CCDC187: variants seen among roughly 807,000 people sequenced by gnomAD.
CCDC187 encodes coiled-coil domain-containing protein 187.
Under a neutral mutation model 38.0 loss-of-function variants are expected in CCDC187, and 32 were observed. The ratio of observed to expected loss-of-function variants is 0.84; its 90% CI spans 0.64 to 1.13. The LOEUF (loss-of-function observed/expected upper bound fraction) is 1.13. Among genes scored for constraint, CCDC187 ranks in the 50% most tolerant of loss-of-function variants. The pLI, the probability that CCDC187 is intolerant of heterozygous loss-of-function variation, is 0.00. For synonymous variants in CCDC187, 333 were observed against 347.9 expected (o/e 0.96, Z 0.48); for missense variants, 707 against 786.8 (o/e 0.90, Z 1.21).
At chr9:136,277,434 A>G (rs1285918155) in intron 10 of CCDC187, among the ~76,000 whole-genome samples, 1 of 69,364 alleles carries the variant, frequency 1.4e-5, no homozygotes, top group Non-Finnish European at 2.9e-5. Context: ...TGAGGGGGTG[A>G]GTGGGTGCAG....
chr9:136,302,781 C>G, intron 2 of CCDC187, 31 bp downstream of exon 2: 1 of 399,224 alleles, frequency 2.5e-6, no homozygotes, highest in Non-Finnish European at 4.4e-6. Flanking sequence ...TCGCAGCCCT[C>G]CTGCCCCTCT....
At chr9:136,306,518 G>A (rs939735875), upstream of CCDC187, among the ~76,000 whole-genome samples, 42 of 152,226 alleles carry the variant, frequency 2.8e-4, no homozygotes, top group Middle Eastern at 3.4e-3. Flanking sequence ...TGCACCACGC[G>A]CCGTGGCAAA....
In CCDC187 at chr9:136,258,118, C is replaced by T. The variant is rs1830636411; in HGVS notation, c.4366+814G>A. On this transcript the variant is annotated intron_variant, in intron 22 of 25. Coordinates refer to ENST00000638797, the MANE Select transcript of CCDC187 (RefSeq NM_001378188.1). This position sits in a 1 kb window ranked among gnomAD's most constrained non-coding sequence, Gnocchi z 4.3. Reference sequence around the variant, plus strand: ...GCCGCAGAAGCCTGAACAGCGCAGGCCCGGAGGTGACGCGGGACACAGAGG... The same window carrying T: ...GCCGCAGAAGCCTGAACAGCGCAGGTCCGGAGGTGACGCGGGACACAGAGG... Among the ~76,000 whole-genome samples the T allele has an allele frequency of 6.6e-6, 1 of 152,176 alleles. No homozygotes were observed. Among genetic ancestry groups the T allele is most frequent in the South Asian group, 2.1e-4 (1 of 4,832 alleles).
chr9:136,263,445 A>G (rs997992114), intron 18 of CCDC187, among the ~76,000 whole-genome samples, 177 bp downstream of exon 18: 7 of 152,152 alleles, frequency 4.6e-5, no homozygotes, highest in Non-Finnish European at 7.4e-5. Flanking sequence ...TGTGTTAGCC[A>G]GGATGGTCTC....
chr9:136,302,522 C>T (rs1191980048), intron 2 of CCDC187, among the ~76,000 whole-genome samples: 1 of 152,252 alleles, frequency 6.6e-6, no homozygotes, highest in Non-Finnish European at 1.5e-5. Context: ...AAGGCACAGA[C>T]TCTAGGTCCA....
Position 136,258,623 on chromosome 9 carries a change from G to T in CCDC187, c.4366+309C>A. The T allele has an allele frequency of 1.2e-6, 1 of 829,846 alleles. No homozygotes were observed. The highest frequency in any genetic ancestry group is 1.5e-6 in the Non-Finnish European group (1 of 687,706). The allele number at this position is 829,846 out of a possible 1,614,324, so 51.4% of individuals were successfully genotyped here. A position where few individuals can be genotyped will look rare whatever the true frequency, so the allele number is the denominator to read the frequency against. ...AACCTCCGTCAGCTGAAGACGCTCA[G>T]GCAGTGCTGGCTTCCAAACACTTAA... On this transcript the variant is annotated intron_variant, in intron 22 of 25. Transcript: ENST00000638797. The surrounding 1 kb of genome is among the most constrained non-coding windows in gnomAD (Gnocchi z 4.3).
In CCDC187 at chr9:136,251,062, C is replaced by T; in HGVS notation, c.*2532G>A. 2.2e-6 allele frequency: 1 copy of T among 455,898 alleles called. No homozygotes were observed. The highest frequency in any genetic ancestry group is 4.4e-6 in the Non-Finnish European group (1 of 226,598). 28.2% of individuals were successfully genotyped at this position (455,898 alleles called of 1,614,324 possible). On this transcript the variant is annotated 3_prime_UTR_variant, in exon 26 of 26. Coordinates refer to ENST00000638797, the MANE Select transcript of CCDC187 (RefSeq NM_001378188.1). Reference sequence around the variant, plus strand: ...CTGCATGCATAAAGTCTGGAGTATGCTCCTCTCTGAAGTGGAGGAGGCCTG... The same window carrying T: ...CTGCATGCATAAAGTCTGGAGTATGTTCCTCTCTGAAGTGGAGGAGGCCTG...
At position 136,258,453 on chromosome 9, in the gene CCDC187, C is replaced by T. The variant is rs895565742; in HGVS notation, c.4366+479G>A. ...GGCACACAACCCCCCACTCTTCAGCCGGCGGCTACCAGACGCACCACCAGG... is the reference window on the plus strand; with the variant it reads ...GGCACACAACCCCCCACTCTTCAGCTGGCGGCTACCAGACGCACCACCAGG... On this transcript the variant is annotated intron_variant, in intron 22 of 25. Transcript: ENST00000638797. The surrounding 1 kb of genome is among the most constrained non-coding windows in gnomAD (Gnocchi z 4.3). 2.6e-5 allele frequency among the ~76,000 whole-genome samples: 4 copies of T among 152,056 alleles called. No homozygotes were observed. The highest frequency in any genetic ancestry group is 6.5e-5 in the Admixed American group (1 of 15,268).
chr9:136,297,565 G>A (rs965021320), intron 4 of CCDC187, 149 bp downstream of exon 4: 33 of 387,360 alleles, frequency 8.5e-5, no homozygotes, highest in African/African-American at 4.5e-4. Context: ...CGGGCCTGCC[G>A]ATCCCAGGTG....
chr9:136,254,107 C>A lies in CCDC187; in HGVS notation c.5721G>T (p.Glu1907Asp). 1.0e-6 allele frequency: 1 copy of A among 985,480 alleles called. No homozygotes were observed. Among genetic ancestry groups the A allele is most frequent in the African/African-American group, 1.7e-5 (1 of 57,342 alleles). The allele number at this position is 985,480 out of a possible 1,614,324, so 61.0% of individuals were successfully genotyped here. Residue 1907 changes from glutamate to aspartate, a missense_variant, in exon 26 of 26, where the codon GAG becomes GAT. Transcript: ENST00000638797. Reference sequence around the variant, plus strand: ...GGGTTCCCTCCTGGTAGCCAGAAGTCTCTCCTCCTTTGCCGAAATCTGCCC... The same window carrying A: ...GGGTTCCCTCCTGGTAGCCAGAAGTATCTCCTCCTTTGCCGAAATCTGCCC... ...SEGADFGKGG[E>D]TSGYQEGTRD...
chr9:136,261,648 A>T (rs1487191851), intron 19 of CCDC187, among the ~76,000 whole-genome samples: 1 of 152,216 alleles, frequency 6.6e-6, no homozygotes, highest in African/African-American at 2.4e-5. Flanking sequence ...CACGGAGCCA[A>T]TGGCCGAGCC....
At chr9:136,263,381 C>T (rs535753642) in intron 18 of CCDC187, among the ~76,000 whole-genome samples, 9 of 152,212 alleles carry the variant, frequency 5.9e-5, no homozygotes, top group Non-Finnish European at 1.3e-4. Context: ...ACCACAGGCA[C>T]CCACCACCTT....
intron 19 of CCDC187, among the ~76,000 whole-genome samples, chr9:136,260,959 C>T (rs1830671569): frequency 6.6e-6 from 1 of 152,204 alleles, no homozygotes; most frequent in South Asian, 2.1e-4. Context: ...CAGGGCCCGG[C>T]ACTCAGCCCA....
chr9:136,302,537 C>T (rs933929208), intron 2 of CCDC187, among the ~76,000 whole-genome samples: 91 of 152,344 alleles, frequency 6.0e-4, no homozygotes, highest in Admixed American at 2.4e-3. Flanking sequence ...GGTCCAGGGA[C>T]CAGGCCCCCT....
At chr9:136,303,353 C>A in intron 1 of CCDC187, 60 bp from the exon 2 acceptor site, 1 of 394,152 alleles carries the variant, frequency 2.5e-6, no homozygotes, top group Non-Finnish European at 4.5e-6. Context: ...CCGAGCAGAG[C>A]CGCTCAGACT....
chr9:136,302,363 A>C (rs1317799052), intron 2 of CCDC187, among the ~76,000 whole-genome samples: 1 of 151,018 alleles, frequency 6.6e-6, no homozygotes, highest in Non-Finnish European at 1.5e-5. Context: ...CACCCTTCCA[A>C]GGACAAGACC....
At chr9:136,301,488 G>A (rs1015364604) in intron 2 of CCDC187, among the ~76,000 whole-genome samples, 10 of 152,258 alleles carry the variant, frequency 6.6e-5, no homozygotes, top group South Asian at 2.1e-4. Context: ...TCCTGGAGAC[G>A]GAGGGTGGTG....
At chr9:136,285,751 T>C in intron 8 of CCDC187, 145 bp from the exon 9 acceptor site, 1 of 397,402 alleles carries the variant, frequency 2.5e-6, no homozygotes, top group Non-Finnish European at 4.4e-6. Flanking sequence ...CAGGCCTCTC[T>C]GCTGGAGGAA....
chr9:136,266,652 G>A (rs1554761659), intron 16 of CCDC187: 2 of 152,224 alleles, frequency 1.3e-5, no homozygotes, highest in African/African-American at 4.8e-5. Flanking sequence ...TCTCTACGCC[G>A]GTGCGCCCTG....
Sources: gnomAD v4.1 joint callset for allele counts (sites outside exome capture counted in the v4.1 genomes callset) on GRCh38, gnomAD v4.1.1 for gene constraint, Gnocchi (gnomAD v3.1) non-coding constraint, MANE v1.5 for transcripts, NCBI Gene and HGNC (gene_info 2026-07-23, HGNC 2026-07-21) for gene names.